ZNF518B: variants seen among roughly 807,000 people sequenced by gnomAD.
ZNF518B encodes the protein zinc finger protein 518B.
ZNF518B carries 23 observed loss-of-function variants against 56.3 expected under a neutral mutation model. The ratio of observed to expected loss-of-function variants is 0.41; its 90% CI spans 0.29 to 0.58. The LOEUF is 0.58. Ranked by LOEUF, ZNF518B falls within the 20% of genes least tolerant of loss-of-function variation. The pLI is 0.32. For missense variants in ZNF518B, 1,460 were observed against 1,272.1 expected (o/e 1.15, Z -2.25); for synonymous variants, 529 against 465.9 (o/e 1.14, Z -1.74).
chr4:10,444,271 A>G lies in ZNF518B; in HGVS notation c.2058T>C (p.Ser686=), dbSNP rs2108984989. Residue 686 remains serine, a synonymous_variant, in exon 3 of 3, where the codon AGT becomes AGC. Coordinates refer to ENST00000326756, the MANE Select transcript of ZNF518B (RefSeq NM_053042.3). ...CCTGCCCTACAGAGCGACGATGTGC[A>G]CTATTTGAAGCCAAAGATGACGGCT... The part of the protein sequence containing the change: ...CGKPSSLASN[S]AHRRSVGQAS... The G allele has an allele frequency of 6.2e-7, 1 of 1,614,220 alleles. No individual in the cohort carries two copies. Among genetic ancestry groups the G allele is most frequent in the East Asian group, 2.2e-5 (1 of 44,886 alleles).
chr4:10,458,824 A>G (rs896276751), upstream of ZNF518B, among the ~76,000 whole-genome samples: 24 of 152,224 alleles, frequency 1.6e-4, no homozygotes, highest in African/African-American at 5.3e-4. Flanking sequence ...GAAAATCTCT[A>G]GTGGCAAACA....
chr4:10,458,379 T>C (rs529586650), upstream of ZNF518B, among the ~76,000 whole-genome samples: 3 of 152,304 alleles, frequency 2.0e-5, no homozygotes, highest in South Asian at 6.2e-4. Flanking sequence ...ATCACCTTCC[T>C]GTTGGCGGCC....
upstream of ZNF518B, among the ~76,000 whole-genome samples, chr4:10,460,619 C>A (rs896706002): frequency 2.0e-5 from 3 of 152,138 alleles, no homozygotes; most frequent in African/African-American, 7.2e-5. Flanking sequence ...TCATTCTAGG[C>A]GTCTACAGAC....
chr4:10,445,146 C>G lies in ZNF518B; in HGVS notation c.1183G>C (p.Glu395Gln). 3.7e-6 allele frequency: 6 copies of G among 1,614,158 alleles called. No individual in the cohort carries two copies. The highest frequency in any genetic ancestry group is 5.1e-6 in the Non-Finnish European group (6 of 1,180,002). ...MVKEKGSNEQ[E>Q]KVLSAEKTKS... Reference sequence around the variant, plus strand: ...GTTTTTTCTGCAGAAAGTACTTTTTCTTGTTCATTTGAACCCTTCTCTTTC... The same window carrying G: ...GTTTTTTCTGCAGAAAGTACTTTTTGTTGTTCATTTGAACCCTTCTCTTTC... Residue 395 changes from glutamate to glutamine, a missense_variant, in exon 3 of 3, where the codon GAA (glutamate) becomes CAA (glutamine). Glu to Gln is a conservative substitution (Grantham distance 29). Transcript: ENST00000326756.
chr4:10,460,783 C>G (rs1309818596), upstream of ZNF518B, among the ~76,000 whole-genome samples: 2 of 152,096 alleles, frequency 1.3e-5, no homozygotes, highest in Admixed American at 1.3e-4. Context: ...TGGCCTCTAC[C>G]GCTCCCGAAT....
upstream of ZNF518B, among the ~76,000 whole-genome samples, chr4:10,460,981 G>C (rs889631471): frequency 1.6e-4 from 25 of 152,172 alleles, no homozygotes; most frequent in African/African-American, 5.1e-4. Context: ...TTGAGCCACA[G>C]TTTGCACATC....
chr4:10,451,457 C>T (rs970787940), intron 2 of ZNF518B: 23 of 152,284 alleles, frequency 1.5e-4, no homozygotes, highest in African/African-American at 5.3e-4. Flanking sequence ...TGATTCCTTA[C>T]CTGTAAAATG....
chr4:10,454,876 T>C lies in ZNF518B; in HGVS notation c.-283A>G, dbSNP rs1361204367. On this transcript the variant is annotated 5_prime_UTR_variant, in exon 2 of 3. Coordinates refer to ENST00000326756, the MANE Select transcript of ZNF518B (RefSeq NM_053042.3). ...CAAGTCCCATGGGCTCTTCCTTCTC[T>C]TTCAGGCCTTCTCTTCTCAGGCGTG... is the stretch of plus-strand genomic sequence containing the variant. 1 of 152,286 alleles carries C rather than the reference T, an allele frequency of 6.6e-6. No homozygotes were observed. Among genetic ancestry groups the C allele is most frequent in the Non-Finnish European group, 1.5e-5 (1 of 68,094 alleles). 9.4% of individuals were successfully genotyped at this position (152,286 alleles called of 1,614,324 possible). A position where few individuals can be genotyped will look rare whatever the true frequency, so the allele number is the denominator to read the frequency against.
In ZNF518B at chr4:10,443,903, TTTA is replaced by T. The variant is rs776507010; in HGVS notation, c.2423_2425del (p.Ile808del). The T allele has an allele frequency of 3.7e-6, 6 of 1,614,192 alleles. No individual in the cohort carries two copies. Among genetic ancestry groups the T allele is most frequent in the South Asian group, 1.1e-5 (1 of 91,084 alleles). Reference sequence around the variant, plus strand: ...TCTCACAGGGCAAAATGGAACTGGTTTTATTAACTGTCTTTCACTGCAAGGTAT... The same window carrying T: ...TCTCACAGGGCAAAATGGAACTGGTTTTAACTGTCTTTCACTGCAAGGTAT... On this transcript the variant is annotated inframe_deletion, in exon 3 of 3. Coordinates refer to ENST00000326756, the MANE Select transcript of ZNF518B (RefSeq NM_053042.3).
chr4:10,440,758 G>A lies in ZNF518B; in HGVS notation c.*2346C>T, dbSNP rs1560165783. Reference sequence around the variant, plus strand: ...ATGCTGCGAAGTGAAAATACTTCATGTTGACAGTTAACACTCTGACCTGAT... The same window carrying A: ...ATGCTGCGAAGTGAAAATACTTCATATTGACAGTTAACACTCTGACCTGAT... On this transcript the variant is annotated 3_prime_UTR_variant, in exon 3 of 3. Coordinates refer to ENST00000326756, the MANE Select transcript of ZNF518B (RefSeq NM_053042.3). The A allele has an allele frequency of 6.6e-6, 1 of 152,092 alleles. No individual in the cohort carries two copies. The highest frequency in any genetic ancestry group is 2.4e-5 in the African/African-American group (1 of 41,402). 9.4% of individuals were successfully genotyped at this position (152,092 alleles called of 1,614,324 possible).
upstream of ZNF518B, among the ~76,000 whole-genome samples, chr4:10,458,169 T>G (rs891138809): frequency 1.3e-5 from 2 of 152,072 alleles, no homozygotes; most frequent in African/African-American, 4.8e-5. Flanking sequence ...ATATTTAGAA[T>G]AGAGCCTCTA....
chr4:10,448,094 TCA>T (rs542333244), intron 2 of ZNF518B, among the ~76,000 whole-genome samples: 7 of 152,334 alleles, frequency 4.6e-5, no homozygotes, highest in African/African-American at 1.7e-4. Flanking sequence ...CTTCTGAACC[TCA>T]GTTTTTCATC....
Position 10,445,698 on chromosome 4 carries a change from T to TC in ZNF518B, c.630dup (p.Arg211GlufsTer4). The TC allele has an allele frequency of 6.2e-7, 1 of 1,614,196 alleles. No individual in the cohort carries two copies. The highest frequency in any genetic ancestry group is 1.3e-5 in the African/African-American group (1 of 75,040). ...TTCGCACCTGCCCTTTCATGTACTC[T>TC]CTTCGTGTGTTTGACAATATAATCA... is the stretch of plus-strand genomic sequence containing the variant. On this transcript the variant is annotated frameshift_variant, in exon 3 of 3. Coordinates refer to ENST00000326756, the MANE Select transcript of ZNF518B (RefSeq NM_053042.3). LOFTEE classifies it high-confidence loss of function.
chr4:10,444,149 G>A lies in ZNF518B; in HGVS notation c.2180C>T (p.Pro727Leu), dbSNP rs958385301. Residue 727 changes from proline (P) to leucine (L), a missense_variant, in exon 3 of 3, where the codon CCT becomes CTT. Coordinates refer to ENST00000326756, the MANE Select transcript of ZNF518B (RefSeq NM_053042.3). ...ACCAGTAATACCACCATCATTCGGA[G>A]GTTTCTGAAGAGTACCTGTGGAATG... ...LGHSTGTLQK[P>L]PNDGGITGNR... is the part of the protein sequence containing the mutation. 2 of 1,614,204 alleles carry A rather than the reference G, an allele frequency of 1.2e-6. No homozygotes were observed. The highest frequency in any genetic ancestry group is 8.5e-7 in the Non-Finnish European group (1 of 1,180,046).
chr4:10,461,333 G>C (rs1715737195), upstream of ZNF518B, among the ~76,000 whole-genome samples: 1 of 152,182 alleles, frequency 6.6e-6, no homozygotes. Flanking sequence ...CTCGGCCGCC[G>C]CGGCTGCCGC....
chr4:10,453,825 CAGT>C (rs1218274897), intron 2 of ZNF518B: 1 of 152,112 alleles, frequency 6.6e-6, no homozygotes, highest in Non-Finnish European at 1.5e-5. Flanking sequence ...CCCATTAAAC[CAGT>C]AGTTCTTAAC....
chr4:10,444,287 G>A lies in ZNF518B; in HGVS notation c.2042C>T (p.Ser681Phe), dbSNP rs1264359495. 1.2e-6 allele frequency: 2 copies of A among 1,614,082 alleles called. No homozygotes were observed. Among genetic ancestry groups the A allele is most frequent in the African/African-American group, 2.7e-5 (2 of 74,918 alleles). The change falls in exon 3 of 3, where the codon TCT becomes TTT. Residue 681 changes from serine to phenylalanine, a missense_variant. By Grantham distance (155) the Ser-to-Phe change is radical (BLOSUM62 -2). Transcript: ENST00000326756. Reference protein sequence around the residue: ...QLIESCGKPSSLASNSAHRRS... With the variant: ...QLIESCGKPSFLASNSAHRRS... ...ACGATGTGCACTATTTGAAGCCAAA[G>A]ATGACGGCTTCCCACAGGACTCAAT...
rs1714700950 is a variant in ZNF518B at position 10,441,945 on chromosome 4, G to T, written c.*1159C>A. 1 of 152,206 alleles carries T rather than the reference G, an allele frequency of 6.6e-6. No homozygotes were observed. The highest frequency in any genetic ancestry group is 1.5e-5 in the Non-Finnish European group (1 of 68,054). The allele number at this position is 152,206 out of a possible 1,614,324, so 9.4% of individuals were successfully genotyped here. On this transcript the variant is annotated 3_prime_UTR_variant, in exon 3 of 3. Transcript: ENST00000326756. Reference sequence around the variant, plus strand: ...TCCTGTAACTTTAGCAAAAACAGTGGGAGGTCTCCATTTTGTTGATTCCTG... The same window carrying T: ...TCCTGTAACTTTAGCAAAAACAGTGTGAGGTCTCCATTTTGTTGATTCCTG...
At chr4:10,448,240 G>A (rs541959527) in intron 2 of ZNF518B, among the ~76,000 whole-genome samples, 1 of 152,160 alleles carries the variant, frequency 6.6e-6, no homozygotes, top group Admixed American at 6.6e-5. Context: ...AGTGTCAAGA[G>A]GCACCCAGAG....
Sources: allele counts gnomAD v4.1 joint callset (sites outside exome capture counted in the v4.1 genomes callset), GRCh38; gene constraint gnomAD v4.1.1; transcripts MANE v1.5; gene names NCBI Gene and HGNC (gene_info 2026-07-23, HGNC 2026-07-21).